Variants in SLC2A9 observed in about 807,000 individuals in gnomAD.
The protein encoded by SLC2A9 is solute carrier family 2, facilitated glucose transporter member 9.
Under a neutral mutation model 50.6 loss-of-function variants are expected in SLC2A9, and 39 were observed. That is an observed-to-expected ratio of 0.77 (90% confidence interval 0.60 to 1.01). SLC2A9 has a LOEUF of 1.01. Among genes scored for constraint, SLC2A9 ranks in the 50% least tolerant of loss-of-function variants. The pLI, the probability that SLC2A9 is intolerant of heterozygous loss-of-function variation, is 0.00. For missense variants in SLC2A9, 686 were observed against 677.6 expected (o/e 1.01, Z -0.14); for synonymous variants, 324 against 276.9 (o/e 1.17, Z -1.69).
At chr4:9,868,004 C>T (rs775280503) in intron 10 of SLC2A9, among the ~76,000 whole-genome samples, 2 of 152,186 alleles carry the variant, frequency 1.3e-5, no homozygotes, top group Admixed American at 6.5e-5. Context: ...AGTCACACCT[C>T]GGCAATTCTG....
At chr4:9,937,188 G>A (rs1747245211) in intron 6 of SLC2A9, among the ~76,000 whole-genome samples, 2 of 152,182 alleles carry the variant, frequency 1.3e-5, no homozygotes, top group African/African-American at 4.8e-5. Flanking sequence ...GGTCCTTACA[G>A]CAAGAGTTGC....
At chr4:9,829,985 C>A (rs1725803587) in intron 11 of SLC2A9, among the ~76,000 whole-genome samples, 1 of 152,154 alleles carries the variant, frequency 6.6e-6, no homozygotes, top group South Asian at 2.1e-4. Context: ...GACAGAAATG[C>A]CATTTGTCTC....
intron 8 of SLC2A9, among the ~76,000 whole-genome samples, chr4:9,894,665 A>G (rs1351997688): frequency 6.6e-6 from 1 of 152,226 alleles, no homozygotes; most frequent in Non-Finnish European, 1.5e-5. Flanking sequence ...TAAAGATGTC[A>G]CAGCTTTTCT....
intron 10 of SLC2A9, among the ~76,000 whole-genome samples, chr4:9,844,154 A>AAAG (rs1728543385): frequency 1.1e-5 from 1 of 94,402 alleles, no homozygotes; most frequent in African/African-American, 5.4e-5. Flanking sequence ...TTTAGTAAAA[A>AAAG]AAAAATAATA....
At chr4:9,938,947 G>A (rs994178070) in intron 6 of SLC2A9, among the ~76,000 whole-genome samples, 3 of 152,298 alleles carry the variant, frequency 2.0e-5, no homozygotes, top group Admixed American at 6.5e-5. Context: ...CATCCCGAAA[G>A]GGGCCTCTTG....
chr4:9,906,408 T>C (rs1740668949), intron 8 of SLC2A9, among the ~76,000 whole-genome samples: 1 of 152,180 alleles, frequency 6.6e-6, no homozygotes, highest in Non-Finnish European at 1.5e-5. Flanking sequence ...AAGGTGATGA[T>C]CTACATGATT....
chr4:10,036,213 G>C (rs1764101182), intron 1 of SLC2A9: 1 of 152,474 alleles, frequency 6.6e-6, no homozygotes, highest in Admixed American at 6.5e-5. Flanking sequence ...ACTTGAGAAG[G>C]CCCAGTTCCA....
downstream of SLC2A9, chr4:9,779,785 C>A (rs1363969817): frequency 6.6e-6 from 1 of 151,544 alleles, no homozygotes; most frequent in Non-Finnish European, 1.5e-5. Flanking sequence ...ATTGTATAAC[C>A]AGTGGGTAAA....
chr4:10,029,594 A>ATTTTATTTTATTTTATTTTATT (rs1553917299), intron 1 of SLC2A9, among the ~76,000 whole-genome samples: 2 of 129,826 alleles, frequency 1.5e-5, no homozygotes, highest in African/African-American at 5.4e-5. Context: ...TTTATTTTAT[A>ATTTTATTTTATTTTATTTTATT]TTATTTTATT....
At chr4:9,845,305 G>T (rs1018543578) in intron 10 of SLC2A9, among the ~76,000 whole-genome samples, 1 of 151,586 alleles carries the variant, frequency 6.6e-6, no homozygotes, top group Non-Finnish European at 1.5e-5. Context: ...GAGCCACCAC[G>T]CCCAGCCAAA....
intron 2 of SLC2A9, among the ~76,000 whole-genome samples, chr4:10,017,452 A>G (rs887934006): frequency 6.6e-6 from 1 of 152,272 alleles, no homozygotes; most frequent in African/African-American, 2.4e-5. Context: ...GACTGTTGGC[A>G]GTGCTTACTG....
intron 5 of SLC2A9, among the ~76,000 whole-genome samples, chr4:9,942,723 T>C (rs543284906): frequency 6.6e-6 from 1 of 152,336 alleles, no homozygotes; most frequent in Non-Finnish European, 1.5e-5. Context: ...GCAGCTTAAA[T>C]GAAGCCCAGA....
intron 3 of SLC2A9, among the ~76,000 whole-genome samples, chr4:9,781,505 C>G (rs564495392): frequency 4.1e-4 from 63 of 152,312 alleles, no homozygotes; most frequent in African/African-American, 1.2e-3. Flanking sequence ...GCGGGATCGC[C>G]CCTACACTCT....
At chr4:9,953,053 T>C (rs1750596710) in intron 5 of SLC2A9, among the ~76,000 whole-genome samples, 1 of 152,246 alleles carries the variant, frequency 6.6e-6, no homozygotes, top group African/African-American at 2.4e-5. Context: ...GTGATTTTAA[T>C]GTTCTATATC....
At chr4:10,000,031 A>G (rs1028476162) in intron 2 of SLC2A9, among the ~76,000 whole-genome samples, 1 of 152,190 alleles carries the variant, frequency 6.6e-6, no homozygotes, top group East Asian at 1.9e-4. Flanking sequence ...ACATAAGCAA[A>G]TGGTCTGATG....
At position 10,021,446 on chromosome 4, in the gene SLC2A9, G is replaced by A. The variant is rs748317445; in HGVS notation, c.-17C>T. The stretch of plus-strand genomic sequence containing the variant: ...CCTTGCCATGGGTCTCAGTGACCCA[G>A]CTGATGGCTCAGTCCAGGGACCCCA... On this transcript the variant is annotated 5_prime_UTR_variant, in exon 1 of 12. Coordinates refer to ENST00000264784, the MANE Select transcript of SLC2A9 (RefSeq NM_020041.3). The A allele has an allele frequency of 6.2e-7, 1 of 1,614,084 alleles. No homozygotes were observed. Among genetic ancestry groups the A allele is most frequent in the Non-Finnish European group, 8.5e-7 (1 of 1,180,000 alleles).
intron 1 of SLC2A9, among the ~76,000 whole-genome samples, chr4:9,774,128 G>A (rs952306177): frequency 6.6e-6 from 1 of 151,824 alleles, no homozygotes; most frequent in Non-Finnish European, 1.5e-5. Context: ...TGAGTAGCTG[G>A]GATTACAGGT....
At chr4:9,903,078 G>T (rs1739960521) in intron 8 of SLC2A9, among the ~76,000 whole-genome samples, 1 of 152,142 alleles carries the variant, frequency 6.6e-6, no homozygotes, top group South Asian at 2.1e-4. Context: ...CAGCTGCGGG[G>T]CCAGTATGAA....
At chr4:9,907,483 T>C (rs1740898553) in intron 8 of SLC2A9, among the ~76,000 whole-genome samples, 1 of 152,238 alleles carries the variant, frequency 6.6e-6, no homozygotes, top group Admixed American at 6.5e-5. Context: ...CTTTTGAACA[T>C]ATTGGCTTAT....
Sources: gnomAD v4.1 joint callset for allele counts (sites outside exome capture counted in the v4.1 genomes callset) on GRCh38, gnomAD v4.1.1 for gene constraint, MANE v1.5 for transcripts, NCBI Gene and HGNC (gene_info 2026-07-23, HGNC 2026-07-21) for gene names.